Variants in IQUB observed in about 807,000 individuals in gnomAD.
The protein encoded by IQUB is IQ motif and ubiquitin-like domain-containing protein.
IQUB carries 86 observed loss-of-function variants against 86.4 expected under a neutral mutation model. The observed-to-expected ratio is 1.00, with a 90% CI of 0.84 to 1.19. The LOEUF (loss-of-function observed/expected upper bound fraction) is 1.19. Ranked by LOEUF, IQUB falls within the 50% of genes most tolerant of loss-of-function variation. The pLI, the probability that IQUB is intolerant of heterozygous loss-of-function variation, is 0.00. For synonymous variants in IQUB, 289 were observed against 304.5 expected (o/e 0.95, Z 0.53); for missense variants, 946 against 916.9 (o/e 1.03, Z -0.41).
intron 3 of IQUB, among the ~76,000 whole-genome samples, chr7:123,505,680 C>G (rs1021570096): frequency 9.2e-5 from 14 of 152,184 alleles, no homozygotes; most frequent in African/African-American, 3.1e-4. Context: ...CTCACAAAAC[C>G]ACTTTTCCCT....
chr7:123,528,654 T>C (rs1385956607), intron 1 of IQUB, among the ~76,000 whole-genome samples: 1 of 152,158 alleles, frequency 6.6e-6, no homozygotes, highest in Non-Finnish European at 1.5e-5. Context: ...CTGATCTCCC[T>C]GCAGATGAAA....
intron 12 of IQUB, among the ~76,000 whole-genome samples, chr7:123,453,618 T>C (rs1793555175): frequency 6.6e-6 from 1 of 151,910 alleles, no homozygotes; most frequent in Non-Finnish European, 1.5e-5. Flanking sequence ...AGCTGAAGAT[T>C]AAATATGGCT....
At chr7:123,524,387 T>C (rs1221296504) in intron 1 of IQUB, among the ~76,000 whole-genome samples, 2 of 150,474 alleles carry the variant, frequency 1.3e-5, no homozygotes, top group Admixed American at 1.3e-4. Flanking sequence ...CCTTGAGCAG[T>C]GGTTTGTAGT....
At chr7:123,524,021 C>T (rs1213517013) in intron 1 of IQUB, among the ~76,000 whole-genome samples, 11 of 149,518 alleles carry the variant, frequency 7.4e-5, no homozygotes, top group South Asian at 4.2e-4. Context: ...TGTAGATATG[C>T]GGCATTATTT....
intron 2 of IQUB, among the ~76,000 whole-genome samples, chr7:123,510,818 A>T (rs1479266316): frequency 6.7e-6 from 1 of 149,672 alleles, no homozygotes; most frequent in African/African-American, 2.4e-5. Flanking sequence ...CAACAAAGAG[A>T]ATACTTTCTC....
intron 7 of IQUB, among the ~76,000 whole-genome samples, chr7:123,480,669 T>C (rs1012876833): frequency 1.3e-5 from 2 of 152,114 alleles, no homozygotes; most frequent in Non-Finnish European, 2.9e-5. Context: ...CATCCTGGTG[T>C]CTGCTTCCCC....
chr7:123,485,701 T>C (rs1229307659), intron 7 of IQUB, among the ~76,000 whole-genome samples: 3 of 152,132 alleles, frequency 2.0e-5, no homozygotes, highest in Admixed American at 6.6e-5. Flanking sequence ...AAGCAAGAAA[T>C]AGCAGAACAT....
At chr7:123,523,779 A>G (rs1313398770) in intron 1 of IQUB, among the ~76,000 whole-genome samples, 4 of 152,100 alleles carry the variant, frequency 2.6e-5, no homozygotes, top group Non-Finnish European at 2.9e-5. Flanking sequence ...GTCCTTGCCC[A>G]CGCCTATGTC....
At chr7:123,501,804 C>T (rs1475580582) in intron 6 of IQUB, 1 of 152,170 alleles carries the variant, frequency 6.6e-6, no homozygotes, top group African/African-American at 2.4e-5. Flanking sequence ...ACTGCTTCCC[C>T]TAAATCCCAC....
At chr7:123,487,524 C>G (rs1427484656) in intron 7 of IQUB, among the ~76,000 whole-genome samples, 1 of 152,212 alleles carries the variant, frequency 6.6e-6, no homozygotes, top group Non-Finnish European at 1.5e-5. Context: ...TGATGACATT[C>G]TGTCTTAAAT....
chr7:123,460,833 G>A (rs767754612), intron 11 of IQUB, among the ~76,000 whole-genome samples: 2 of 151,840 alleles, frequency 1.3e-5, no homozygotes, highest in Non-Finnish European at 2.9e-5. Context: ...AGAGCTAGAA[G>A]TTCTTACGAG....
At chr7:123,489,064 A>G (rs1407361209) in intron 7 of IQUB, among the ~76,000 whole-genome samples, 2 of 152,208 alleles carry the variant, frequency 1.3e-5, no homozygotes, top group African/African-American at 4.8e-5. Flanking sequence ...AAGCTCAATA[A>G]CAGGCACAAT....
chr7:123,482,285 A>G (rs1166060619), intron 7 of IQUB, among the ~76,000 whole-genome samples: 2 of 152,078 alleles, frequency 1.3e-5, no homozygotes, highest in Non-Finnish European at 2.9e-5. Flanking sequence ...GACAGAGCCA[A>G]GTAAAAAAAA....
chr7:123,497,051 A>T, intron 6 of IQUB, 145 bp from the exon 7 acceptor site: 1 of 589,904 alleles, frequency 1.7e-6, no homozygotes, highest in Non-Finnish European at 2.9e-6. Context: ...TTTCACAAAC[A>T]CTAACATAAA....
chr7:123,467,759 T>C lies in IQUB; in HGVS notation c.1581+1455A>G, dbSNP rs146603065. Reference sequence around the variant, plus strand: ...CAAGTGGAAGCCCCTGAACTGCCCTTGTCTGGGAACAGAGGAGGTGAAAGT... The same window carrying C: ...CAAGTGGAAGCCCCTGAACTGCCCTCGTCTGGGAACAGAGGAGGTGAAAGT... On this transcript the variant is annotated intron_variant, in intron 9 of 12. Transcript: ENST00000324698. Among the ~76,000 whole-genome samples, 258 of 152,308 alleles carry C rather than the reference T, an allele frequency of 1.7e-3. 1 individual carries two copies. Among genetic ancestry groups the C allele is most frequent in the African/African-American group, 5.9e-3 (244 of 41,574 alleles).
chr7:123,458,475 A>G (rs1793822207), intron 11 of IQUB, among the ~76,000 whole-genome samples: 1 of 152,044 alleles, frequency 6.6e-6, no homozygotes, highest in African/African-American at 2.4e-5. Context: ...GTAATTCAAT[A>G]TATTAAGCTC....
At chr7:123,493,869 TG>T (rs912813857) in intron 7 of IQUB, among the ~76,000 whole-genome samples, 1 of 126,424 alleles carries the variant, frequency 7.9e-6, no homozygotes, top group Admixed American at 7.9e-5. Context: ...AAAAACTAGT[TG>T]GGGGGGCAGG....
chr7:123,516,354 A>G (rs906209832), intron 1 of IQUB, among the ~76,000 whole-genome samples: 2 of 152,178 alleles, frequency 1.3e-5, no homozygotes, highest in African/African-American at 2.4e-5. Flanking sequence ...ATACAAAACA[A>G]TCATTTGTCA....
chr7:123,490,295 G>A (rs2117131575), intron 7 of IQUB, among the ~76,000 whole-genome samples: 1 of 152,106 alleles, frequency 6.6e-6, no homozygotes. Flanking sequence ...AATATCATAA[G>A]GAATAAGGAA....
Sources: gnomAD v4.1 joint callset for allele counts (sites outside exome capture counted in the v4.1 genomes callset) on GRCh38, gnomAD v4.1.1 for gene constraint, MANE v1.5 for transcripts, NCBI Gene and HGNC (gene_info 2026-07-23, HGNC 2026-07-21) for gene names.